CCDC88A: variants seen among roughly 807,000 people sequenced by gnomAD.
CCDC88A encodes coiled-coil and HOOK domain protein 88A.
In CCDC88A, 54 loss-of-function variants were observed where a neutral mutation model predicts 234.3. The observed-to-expected ratio is 0.23, with a 90% confidence interval of 0.19 to 0.29. The LOEUF (loss-of-function observed/expected upper bound fraction) is 0.29, where lower values mean the gene tolerates loss of function less well. Among genes scored for constraint, CCDC88A ranks in the 10% least tolerant of loss-of-function variants. CCDC88A has a pLI of 1.00. For missense variants in CCDC88A, 1,832 were observed against 2,123.4 expected, an observed-to-expected ratio of 0.86 and a Z score of 2.70; for synonymous variants, 753 against 737.8, an observed-to-expected ratio of 1.02 and a Z score of -0.33.
rs534208106 is a variant in CCDC88A, at chr2:55,331,546, A to C, written c.2855+1020T>G. The stretch of plus-strand genomic sequence containing the variant: ...TGAGTAGATAAAATATAAATTATAT[A>C]ATTACAAAAACTGAATGAAAATCTA... On this transcript the variant is annotated intron_variant, in intron 16 of 32. Coordinates refer to ENST00000436346, the MANE Select transcript of CCDC88A (RefSeq NM_001365480.1). Among the ~76,000 whole-genome samples the C allele has an allele frequency of 9.5e-4, 144 of 152,296 alleles. 2 individuals are homozygous for C. The highest frequency in any genetic ancestry group is 3.3e-3 in the African/African-American group (136 of 41,578).
At chr2:55,365,875 C>T (rs1216395465) in intron 5 of CCDC88A, among the ~76,000 whole-genome samples, 1 of 152,130 alleles carries the variant, frequency 6.6e-6, no homozygotes, top group African/African-American at 2.4e-5. Flanking sequence ...ATACGGTGAT[C>T]ATTAGCTATA....
chr2:55,419,254 G>A lies in CCDC88A; in HGVS notation c.-175C>T, dbSNP rs544041731. On this transcript the variant is annotated 5_prime_UTR_variant, in exon 1 of 33. Transcript: ENST00000436346. ...CTCAAAAAACACCCCAGAGTGAAAC[G>A]AGCCGAAATCCCAAGAAGTGGCTTC... 99 of 579,954 alleles carry A rather than the reference G, an allele frequency of 1.7e-4. 2 individuals are homozygous for A. The South Asian group carries it at 2.0e-3, about 12-fold the overall frequency. The allele number at this position is 579,954 out of a possible 1,614,324, so 35.9% of individuals were successfully genotyped here.
Position 55,332,492 on chromosome 2 carries a change from T to A in CCDC88A, c.2855+74A>T. 1 of 1,548,208 alleles carries A rather than the reference T, an allele frequency of 6.5e-7. No individual in the cohort carries two copies. The highest frequency in any genetic ancestry group is 8.7e-7 in the Non-Finnish European group (1 of 1,154,538). ...ATATATAAATGTTTTCTATAGCTAG[T>A]ACAGAAAGAATTCATGTATGAGCAA... On this transcript the variant is annotated intron_variant, in intron 16 of 32. Transcript: ENST00000436346. This position sits in a 1 kb window ranked among gnomAD's most constrained non-coding sequence, Gnocchi z 4.5.
chr2:55,410,194 A>T (rs1200340761), intron 2 of CCDC88A, among the ~76,000 whole-genome samples: 1 of 152,170 alleles, frequency 6.6e-6, no homozygotes, highest in Non-Finnish European at 1.5e-5. Context: ...CCTTGGGCCA[A>T]GGAGTACTTG....
intron 25 of CCDC88A, chr2:55,306,057 A>C (rs1681527766): frequency 6.6e-6 from 1 of 152,346 alleles, no homozygotes; most frequent in Admixed American, 6.6e-5. Flanking sequence ...CTGGGACCAC[A>C]GGCACCTGCC....
chr2:55,396,288 G>A (rs1677536388), intron 2 of CCDC88A, among the ~76,000 whole-genome samples: 1 of 152,094 alleles, frequency 6.6e-6, no homozygotes, highest in Non-Finnish European at 1.5e-5. Flanking sequence ...AATTTCATTT[G>A]CAAACATTTT....
chr2:55,386,520 G>A (rs1451451232), intron 3 of CCDC88A, among the ~76,000 whole-genome samples: 1 of 145,414 alleles, frequency 6.9e-6, no homozygotes, highest in Non-Finnish European at 1.5e-5. Flanking sequence ...TGCCAAGGCT[G>A]GAGTGCAACA....
chr2:55,312,333 A>C (rs1682448550), intron 23 of CCDC88A, 101 bp downstream of exon 23: 2 of 1,050,716 alleles, frequency 1.9e-6, no homozygotes, highest in Non-Finnish European at 2.8e-6. Context: ...ATATTTGTTG[A>C]AAATCAGTAA....
intron 7 of CCDC88A, among the ~76,000 whole-genome samples, chr2:55,359,308 T>A (rs1275955714): frequency 6.6e-6 from 1 of 151,934 alleles, no homozygotes; most frequent in Non-Finnish European, 1.5e-5. Flanking sequence ...GGTGGTGAAA[T>A]GGAGATATCT....
At chr2:55,378,738 CTTTT>C (rs79242911) in intron 3 of CCDC88A, among the ~76,000 whole-genome samples, 22 of 142,954 alleles carry the variant, frequency 1.5e-4, no homozygotes, top group African/African-American at 5.4e-4. Context: ...TACACATATA[CTTTT>C]TTTTTTTTTT....
Position 55,296,436 on chromosome 2 carries a change from C to G in CCDC88A, c.4913G>C (p.Ser1638Thr), listed in dbSNP as rs769941103. 6.2e-6 allele frequency: 10 copies of G among 1,614,224 alleles called. No homozygotes were observed. The highest frequency in any genetic ancestry group is 8.5e-6 in the Non-Finnish European group (10 of 1,180,044). The change falls in exon 30 of 33, where the codon AGT becomes ACT. Residue 1638 changes from serine to threonine, a missense_variant. Around this residue, in one of 6 missense-constraint regions of CCDC88A, gnomAD observed 422 missense variants for 416.5 expected, o/e 1.01. Transcript: ENST00000436346. ...LLHDHEAWSS[S>T]GSSPIQYLKR... Reference sequence around the variant, plus strand: ...CAAGTACTGGATTGGACTGCTACCACTGCTGGACCAAGCCTCATGGTCATG... The same window carrying G: ...CAAGTACTGGATTGGACTGCTACCAGTGCTGGACCAAGCCTCATGGTCATG...
chr2:55,398,559 C>T (rs1248627325), intron 2 of CCDC88A, among the ~76,000 whole-genome samples: 1 of 152,132 alleles, frequency 6.6e-6, no homozygotes, highest in South Asian at 2.1e-4. Flanking sequence ...CCTTTTCACC[C>T]TAAGGATGTG....
In CCDC88A at chr2:55,334,016, G is replaced by T; in HGVS notation, c.2727+78C>A. ...AAATAAATGATGCAAATTACTGATAGATTCCAATAAAACTTAAAGAAACCT... is the reference window on the plus strand; with the variant it reads ...AAATAAATGATGCAAATTACTGATATATTCCAATAAAACTTAAAGAAACCT... On this transcript the variant is annotated intron_variant, in intron 15 of 32. Transcript: ENST00000436346. This position sits in a 1 kb window ranked among gnomAD's most constrained non-coding sequence, Gnocchi z 6.1. 2.1e-6 allele frequency: 1 copy of T among 479,520 alleles called. No homozygotes were observed. The highest frequency in any genetic ancestry group is 3.5e-6 in the Non-Finnish European group (1 of 286,210). The allele number at this position is 479,520 out of a possible 1,614,324, so 29.7% of individuals were successfully genotyped here. A position where few individuals can be genotyped will look rare whatever the true frequency, so the allele number is the denominator to read the frequency against.
At chr2:55,308,624 G>C in intron 25 of CCDC88A, 185 bp downstream of exon 25, 1 of 576,756 alleles carries the variant, frequency 1.7e-6, no homozygotes, top group Admixed American at 3.1e-5. Flanking sequence ...TAGTATATCT[G>C]TGTATGATTT....
At position 55,321,923 on chromosome 2, in the gene CCDC88A, TAA is replaced by T. The variant is rs5831352; in HGVS notation, c.3162+603_3162+604del. On this transcript the variant is annotated intron_variant, in intron 18 of 32. Transcript: ENST00000436346. ...TAAAGGTACTATTTTTGTGTTAAAT[TAA>T]AAAAAAAAAAACCACCACCACAACT... is the stretch of plus-strand genomic sequence containing the variant. Among the ~76,000 whole-genome samples, 131 of 146,246 alleles carry T rather than the reference TAA, an allele frequency of 9.0e-4. 1 individual carries two copies. The highest frequency in any genetic ancestry group is 3.4e-3 in the South Asian group (16 of 4,676).
At chr2:55,305,482 C>T (rs527303892) in intron 25 of CCDC88A, among the ~76,000 whole-genome samples, 3 of 152,302 alleles carry the variant, frequency 2.0e-5, no homozygotes, top group East Asian at 1.9e-4. Flanking sequence ...CAGATTTATA[C>T]CTAAACAGAC....
intron 25 of CCDC88A, among the ~76,000 whole-genome samples, chr2:55,303,892 A>G (rs996058477): frequency 4.6e-5 from 7 of 152,232 alleles, no homozygotes; most frequent in Non-Finnish European, 4.4e-5. Context: ...TTTTAAACAT[A>G]AGTTAAAATA....
At chr2:55,401,135 GA>G (rs1378353267) in intron 2 of CCDC88A, among the ~76,000 whole-genome samples, 4 of 151,728 alleles carry the variant, frequency 2.6e-5, no homozygotes, top group Admixed American at 6.6e-5. Context: ...GGTTTTAAGG[GA>G]AAAAATGTAT....
chr2:55,294,243 G>A, intron 31 of CCDC88A: 2 of 929,530 alleles, frequency 2.2e-6, no homozygotes, highest in Non-Finnish European at 2.6e-6. Context: ...TGTATTAACT[G>A]ATTTCAAGTA....
Sources: gnomAD v4.1 joint callset for allele counts (sites outside exome capture counted in the v4.1 genomes callset) on GRCh38, gnomAD v4.1.1 for gene constraint, gnomAD v4.1.1 regional missense constraint, Gnocchi (gnomAD v3.1) non-coding constraint, MANE v1.5 for transcripts, NCBI Gene and HGNC (gene_info 2026-07-23, HGNC 2026-07-21) for gene names.